Variants in NALCN observed in about 807,000 individuals in gnomAD.
NALCN encodes the protein sodium leak channel NALCN.
A neutral mutation model predicts 225.3 loss-of-function variants in NALCN; 111 were observed. That is an observed-to-expected ratio of 0.49 (90% CI 0.42 to 0.58). The LOEUF is 0.58. Ranked by LOEUF, NALCN falls within the 20% of genes least tolerant of loss-of-function variation. NALCN has a pLI of 0.00. For synonymous variants in NALCN, 764 were observed against 769.0 expected (o/e 0.99, Z 0.11); for missense variants, 1,378 against 2,202.4 (o/e 0.63, Z 7.49).
intron 13 of NALCN, among the ~76,000 whole-genome samples, chr13:101,220,884 G>A (rs2040911006): frequency 6.6e-6 from 1 of 152,134 alleles, no homozygotes. Context: ...AAGCCCAGTT[G>A]TGTCATCTTT....
intron 12 of NALCN, 110 bp downstream of exon 12, chr13:101,237,645 T>G (rs2140156078): frequency 2.1e-6 from 1 of 477,400 alleles, no homozygotes; most frequent in South Asian, 1.0e-4. Flanking sequence ...ATAATAGTTA[T>G]TATATATAAA....
chr13:101,101,911 GA>G (rs2034842705), intron 26 of NALCN, among the ~76,000 whole-genome samples: 1 of 152,182 alleles, frequency 6.6e-6, no homozygotes, highest in Non-Finnish European at 1.5e-5. Context: ...TTGATCAAAA[GA>G]TTCATATACA....
intron 15 of NALCN, among the ~76,000 whole-genome samples, chr13:101,170,614 T>C (rs969646975): frequency 4.6e-5 from 7 of 152,204 alleles, no homozygotes; most frequent in African/African-American, 1.2e-4. Context: ...AAGATATTTA[T>C]GGTTTTTGTT....
intron 15 of NALCN, among the ~76,000 whole-genome samples, chr13:101,158,892 C>G (rs2038033197): frequency 6.6e-6 from 1 of 152,164 alleles, no homozygotes; most frequent in Non-Finnish European, 1.5e-5. Flanking sequence ...CTTATTTCAT[C>G]TGGGGGAGTG....
At chr13:101,262,370 G>A (rs1004971116) in intron 10 of NALCN, among the ~76,000 whole-genome samples, 5 of 152,182 alleles carry the variant, frequency 3.3e-5, no homozygotes, top group African/African-American at 1.2e-4. Context: ...CCACTGTGGG[G>A]TAGAGAATAC....
chr13:101,211,263 T>C (rs1180595505), intron 13 of NALCN, among the ~76,000 whole-genome samples: 1 of 152,064 alleles, frequency 6.6e-6, no homozygotes, highest in Non-Finnish European at 1.5e-5. Flanking sequence ...AGTTGGGAAA[T>C]TGCAAATAAG....
intron 13 of NALCN, among the ~76,000 whole-genome samples, chr13:101,223,990 C>T (rs1439663469): frequency 1.3e-5 from 2 of 152,096 alleles, no homozygotes; most frequent in African/African-American, 4.8e-5. Flanking sequence ...GCCCCAATTC[C>T]CTCCTTACAC....
intron 3 of NALCN, among the ~76,000 whole-genome samples, chr13:101,383,221 A>T (rs2046898064): frequency 6.6e-6 from 1 of 152,184 alleles, no homozygotes; most frequent in South Asian, 2.1e-4. Context: ...GTCATGCAAC[A>T]ACTGACAACT....
At chr13:101,269,526 G>A (rs1019331466) in intron 10 of NALCN, among the ~76,000 whole-genome samples, 1 of 151,934 alleles carries the variant, frequency 6.6e-6, no homozygotes, top group Admixed American at 6.6e-5. Flanking sequence ...ACTCCTAAAA[G>A]AGGGATGCTG....
rs1014035831 is a variant in NALCN at position 101,108,590 on chromosome 13, T to A, written c.2365-801A>T. Among the ~76,000 whole-genome samples, 9 of 152,028 alleles carry A rather than the reference T, an allele frequency of 5.9e-5. No homozygotes were observed. In the East Asian group the frequency reaches 1.7e-3, roughly 29 times the overall value. ...AGGAAAGACTAGAAGGAGGTGAGGG[T>A]GCAGGCTGTGGTAGGACTACAGAAA... is the stretch of plus-strand genomic sequence containing the variant. On this transcript the variant is annotated intron_variant, in intron 20 of 43. Coordinates refer to ENST00000251127, the MANE Select transcript of NALCN (RefSeq NM_052867.4).
intron 37 of NALCN, among the ~76,000 whole-genome samples, chr13:101,071,660 A>T (rs1298999870): frequency 6.6e-6 from 1 of 152,000 alleles, no homozygotes; most frequent in Non-Finnish European, 1.5e-5. Context: ...GACCGGTAAA[A>T]TTTTTTCTCC....
chr13:101,380,452 T>TTA (rs1173180804), intron 3 of NALCN, among the ~76,000 whole-genome samples: 2 of 152,124 alleles, frequency 1.3e-5, no homozygotes, highest in African/African-American at 4.8e-5. Flanking sequence ...AGGTTAAAAA[T>TTA]TAGAAACTTT....
intron 13 of NALCN, among the ~76,000 whole-genome samples, chr13:101,228,077 T>TCCCCTCAACTGAGAATTTCTTGAC (rs1218999937): frequency 6.6e-6 from 1 of 152,122 alleles, no homozygotes; most frequent in Non-Finnish European, 1.5e-5. Context: ...TACTGGTTCC[T>TCCCCTCAACTGAGAATTTCTTGAC]CCCCTCAACT....
In NALCN at chr13:101,244,913, G is replaced by A. The variant is rs150824798; in HGVS notation, c.1267-6991C>T. 4.0e-3 allele frequency among the ~76,000 whole-genome samples: 604 copies of A among 152,324 alleles called. 3 individuals are homozygous for A. The highest frequency in any genetic ancestry group is 0.014 in the African/African-American group (568 of 41,566). ...AGTGAACTCAACCTTGATGGTAGCT[G>A]GACAGGGTGGAATTTGCCAGGGGCA... On this transcript the variant is annotated intron_variant, in intron 11 of 43. Transcript: ENST00000251127.
intron 13 of NALCN, among the ~76,000 whole-genome samples, chr13:101,193,785 A>C (rs1199464188): frequency 6.6e-6 from 1 of 151,846 alleles, no homozygotes; most frequent in African/African-American, 2.4e-5. Context: ...TTTTTCCTGT[A>C]TTTTTTTTCT....
intron 20 of NALCN, among the ~76,000 whole-genome samples, chr13:101,109,302 C>T (rs1485666211): frequency 6.6e-6 from 1 of 152,160 alleles, no homozygotes; most frequent in Non-Finnish European, 1.5e-5. Context: ...TATTAAAAAT[C>T]ATGGTGGTAA....
intron 17 of NALCN, among the ~76,000 whole-genome samples, chr13:101,141,043 A>G (rs1594292123): frequency 6.6e-6 from 1 of 152,368 alleles, no homozygotes; most frequent in East Asian, 1.9e-4. Context: ...ATAATTTTTC[A>G]CGAGAAATTT....
intron 1 of NALCN, among the ~76,000 whole-genome samples, chr13:101,414,205 G>A (rs2047869191): frequency 6.6e-6 from 1 of 152,078 alleles, no homozygotes; most frequent in Non-Finnish European, 1.5e-5. Flanking sequence ...TTCTTAATAT[G>A]TTTAAGCTCA....
chr13:101,322,945 C>G (rs544422764), intron 7 of NALCN, among the ~76,000 whole-genome samples: 1 of 152,092 alleles, frequency 6.6e-6, no homozygotes, highest in African/African-American at 2.4e-5. Context: ...CTTGTGACCT[C>G]AGGTGATACT....
Sources: allele counts gnomAD v4.1 joint callset (sites outside exome capture counted in the v4.1 genomes callset), GRCh38; gene constraint gnomAD v4.1.1; transcripts MANE v1.5; gene names NCBI Gene and HGNC (gene_info 2026-07-23, HGNC 2026-07-21).